RFLNA: variants seen among roughly 807,000 people sequenced by gnomAD.
The protein encoded by RFLNA is refilin A.
A neutral mutation model predicts 7.8 loss-of-function variants in RFLNA; 5 were observed. The ratio of observed to expected loss-of-function variants is 0.64; its 90% CI spans 0.34 to 1.35. The LOEUF is 1.35. Ranked by LOEUF, RFLNA falls within the 40% of genes most tolerant of loss-of-function variation. RFLNA has a pLI of 0.04. For missense variants in RFLNA, 278 were observed against 305.5 expected, an observed-to-expected ratio of 0.91 and a Z score of 0.67; for synonymous variants, 141 against 131.3, an observed-to-expected ratio of 1.07 and a Z score of -0.50.
At chr12:124,312,316 A>AC (rs779319726) in intron 2 of RFLNA, among the ~76,000 whole-genome samples, 1 of 144,852 alleles carries the variant, frequency 6.9e-6, no homozygotes, top group African/African-American at 2.5e-5. Context: ...CTCCTGCCAG[A>AC]TTTTTTTTTT....
chr12:124,300,127 G>C (rs953531813), intron 1 of RFLNA, among the ~76,000 whole-genome samples: 3 of 152,214 alleles, frequency 2.0e-5, no homozygotes, highest in Non-Finnish European at 4.4e-5. Context: ...GACTCAGCCT[G>C]TTATGGGGCA....
At chr12:124,292,404 G>T (rs2135667164), upstream of RFLNA, among the ~76,000 whole-genome samples, 1 of 152,286 alleles carries the variant, frequency 6.6e-6, no homozygotes, top group South Asian at 2.1e-4. Context: ...CTCCTGCCCT[G>T]CCCACTGGCT....
At chr12:124,307,784 G>A (rs904900676) in intron 1 of RFLNA, among the ~76,000 whole-genome samples, 1 of 152,190 alleles carries the variant, frequency 6.6e-6, no homozygotes, top group African/African-American at 2.4e-5. Context: ...GTGGCCTGAG[G>A]AAACAGAACT....
rs2033893037 is a variant in RFLNA, at chr12:124,295,570, C to T, written c.141C>T (p.Ile47=). The change falls in exon 1 of 3, where the codon ATC becomes ATT. Residue 47 remains isoleucine (I), a synonymous_variant. Coordinates refer to ENST00000546355, the MANE Select transcript of RFLNA (RefSeq NM_001365156.1). Reference sequence around the variant, plus strand: ...CCTTCTACTCCCTGGCGCCCGGCATCCTCGACGCGCGCGCGGGGGGCGCCG... The same window carrying T: ...CCTTCTACTCCCTGGCGCCCGGCATTCTCGACGCGCGCGCGGGGGGCGCCG... The part of the protein sequence containing the change: ...SPPFYSLAPG[I]LDARAGGAGA... The T allele has an allele frequency of 1.7e-6, 2 of 1,206,850 alleles. No homozygotes were observed. Among genetic ancestry groups the T allele is most frequent in the Admixed American group, 9.0e-5 (2 of 22,338 alleles). The allele number at this position is 1,206,850 out of a possible 1,614,324, so 74.8% of individuals were successfully genotyped here. A position where few individuals can be genotyped will look rare whatever the true frequency, so the allele number is the denominator to read the frequency against.
At chr12:124,290,184 TTTC>T (rs1169066676), upstream of RFLNA, among the ~76,000 whole-genome samples, 1 of 152,198 alleles carries the variant, frequency 6.6e-6, no homozygotes, top group Non-Finnish European at 1.5e-5. The surrounding 1 kb of genome is among the most constrained non-coding windows in gnomAD (Gnocchi z 4.0). Flanking sequence ...TCTCTCGTCT[TTTC>T]TTCTTCTCAA....
At chr12:124,310,508 ACTGCAGGGAGGGGGAGGTGG>A (rs2034224328) in intron 1 of RFLNA, among the ~76,000 whole-genome samples, 2 of 5,424 alleles carry the variant, frequency 3.7e-4, no homozygotes, top group African/African-American at 4.9e-4. Flanking sequence ...GGGGAGGTGG[ACTGCAGGGAGGGGGAGGTGG>A]ACTGCAGGAT....
intron 1 of RFLNA, among the ~76,000 whole-genome samples, chr12:124,298,189 C>T (rs531526000): frequency 1.3e-5 from 2 of 152,290 alleles, no homozygotes; most frequent in Admixed American, 6.5e-5. Flanking sequence ...ACTGCAGTCC[C>T]GCCCTCAAAT....
At position 124,289,919 on chromosome 12, in the gene RFLNA, CG is replaced by C. The variant is rs538083829; in HGVS notation, c.-37+552del. Among the ~76,000 whole-genome samples, 4 of 152,162 alleles carry C rather than the reference CG, an allele frequency of 2.6e-5. No individual in the cohort carries two copies. Among genetic ancestry groups the C allele is most frequent in the Non-Finnish European group, 5.9e-5 (4 of 68,024 alleles). ...CCAGGTCTCACGGTTGTACAGTCACCGGGACCTTCACTCTGAAACATTTGAC... is the reference window on the plus strand; with the variant it reads ...CCAGGTCTCACGGTTGTACAGTCACCGGACCTTCACTCTGAAACATTTGAC... On this transcript the variant is annotated intron_variant, in intron 1 of 2. Coordinates refer to the RFLNA transcript ENST00000324038. This position sits in a 1 kb window ranked among gnomAD's most constrained non-coding sequence, Gnocchi z 5.0.
chr12:124,301,236 G>C (rs73417861), intron 1 of RFLNA, among the ~76,000 whole-genome samples: 7,160 of 152,292 alleles, frequency 0.047, 503 homozygotes, highest in African/African-American at 0.15. Context: ...TCGATCCCGG[G>C]TGAACTGGCC....
chr12:124,299,501 C>T (rs1235121138), intron 1 of RFLNA, among the ~76,000 whole-genome samples: 2 of 152,224 alleles, frequency 1.3e-5, no homozygotes, highest in South Asian at 2.1e-4. Flanking sequence ...TTATCCCTCA[C>T]CCTCTTCCCA....
At chr12:124,295,658 CA>C in intron 1 of RFLNA, 22 bp downstream of exon 1, 2 of 1,233,084 alleles carry the variant, frequency 1.6e-6, no homozygotes, top group Middle Eastern at 3.1e-4. Flanking sequence ...CTCTCTCTCC[CA>C]AACGGGGGAC....
chr12:124,299,548 T>A (rs1481814685), intron 1 of RFLNA, among the ~76,000 whole-genome samples: 4 of 152,186 alleles, frequency 2.6e-5, no homozygotes, highest in Non-Finnish European at 4.4e-5. Flanking sequence ...ATTGTGTCAT[T>A]CTTATGCCTT....
chr12:124,295,608 AG>A lies in RFLNA; in HGVS notation c.180del (p.Glu60AspfsTer23). ...GCGGGGGGCGCCGGCGCCTCCTCGG[AG>A]CCCCCGGGACCCAGCGAGGCCAGAG... ...ARAGGAGASSEPPGPSEARAP... is the reference protein window; with the variant it reads ...ARAGGAGASSXPPGPSEARAP... On this transcript the variant is annotated frameshift_variant, in exon 1 of 3. Transcript: ENST00000546355. LOFTEE classifies it high-confidence loss of function. 8.7e-7 allele frequency: 1 copy of A among 1,144,618 alleles called. No homozygotes were observed. Among genetic ancestry groups the A allele is most frequent in the Non-Finnish European group, 1.1e-6 (1 of 933,100 alleles). The allele number at this position is 1,144,618 out of a possible 1,614,324, so 70.9% of individuals were successfully genotyped here. A position where few individuals can be genotyped will look rare whatever the true frequency, so the allele number is the denominator to read the frequency against.
rs949628018 is a variant in RFLNA at position 124,295,830 on chromosome 12, A to G, written c.207+194A>G. Among the ~76,000 whole-genome samples the G allele has an allele frequency of 4.0e-5, 6 of 151,252 alleles. No individual in the cohort carries two copies. In the East Asian group the frequency reaches 1.2e-3, roughly 30 times the overall value. On this transcript the variant is annotated intron_variant, in intron 1 of 2. Coordinates refer to ENST00000546355, the MANE Select transcript of RFLNA (RefSeq NM_001365156.1). ...GTGTAGGGGGAGGTGATCCAGGCTG[A>G]CCCCGGACCTGGAGACGGCTCCCTG...
At position 124,315,120 on chromosome 12, in the gene RFLNA, C is replaced by G; in HGVS notation, c.*595C>G. 5.5e-6 allele frequency: 1 copy of G among 181,632 alleles called. No individual in the cohort carries two copies. The highest frequency in any genetic ancestry group is 2.5e-3 in the Middle Eastern group (1 of 404). 11.3% of individuals were successfully genotyped at this position (181,632 alleles called of 1,614,324 possible). A position where few individuals can be genotyped will look rare whatever the true frequency, so the allele number is the denominator to read the frequency against. ...GCGGATGTTGAGCCAGGAGGTTGGG[C>G]AAAGGCCGGATGCTGATGCCAGCGC... On this transcript the variant is annotated 3_prime_UTR_variant, in exon 3 of 3. Transcript: ENST00000546355.
At chr12:124,308,507 C>T (rs1367682781) in intron 1 of RFLNA, among the ~76,000 whole-genome samples, 2 of 152,254 alleles carry the variant, frequency 1.3e-5, no homozygotes, top group African/African-American at 2.4e-5. Flanking sequence ...GGTGTCCATG[C>T]GTTGACCCTC....
In RFLNA at chr12:124,295,472, AAGG is replaced by A; in HGVS notation, c.46_48del (p.Glu16del). Reference sequence around the variant, plus strand: ...TCTGCAGGGCATGGAGGACAGCCTGAAGGAGCAGGGCCGGGAGGGCTTGCTGGA... The same window carrying A: ...TCTGCAGGGCATGGAGGACAGCCTGAAGCAGGGCCGGGAGGGCTTGCTGGA... On this transcript the variant is annotated inframe_deletion, in exon 1 of 3. Transcript: ENST00000546355. 2 of 1,263,532 alleles carry A rather than the reference AAGG, an allele frequency of 1.6e-6. No homozygotes were observed. The highest frequency in any genetic ancestry group is 2.0e-6 in the Non-Finnish European group (2 of 1,006,450). The allele number at this position is 1,263,532 out of a possible 1,614,324, so 78.3% of individuals were successfully genotyped here.
At chr12:124,294,565 CG>C (rs1309224319), upstream of RFLNA, among the ~76,000 whole-genome samples, 1 of 151,284 alleles carries the variant, frequency 6.6e-6, no homozygotes, top group Admixed American at 6.6e-5. Context: ...AGCCAGATGC[CG>C]GGGGATTCCC....
chr12:124,290,735 C>T (rs891242003), upstream of RFLNA, among the ~76,000 whole-genome samples: 1 of 152,176 alleles, frequency 6.6e-6, no homozygotes, highest in African/African-American at 2.4e-5. This position sits in a 1 kb window ranked among gnomAD's most constrained non-coding sequence, Gnocchi z 4.0. Context: ...ATTTCCCTGG[C>T]ACCATGCTGA....
Sources: allele counts gnomAD v4.1 joint callset (sites outside exome capture counted in the v4.1 genomes callset), GRCh38; gene constraint gnomAD v4.1.1; non-coding constraint Gnocchi (gnomAD v3.1); transcripts MANE v1.5; gene names NCBI Gene and HGNC (gene_info 2026-07-23, HGNC 2026-07-21).